The following CD109 variants were observed in gnomAD, a reference collection of about 807,000 sequenced individuals.
The protein encoded by CD109 is CD109 molecule, also known as CD109 antigen.
In CD109, 149 loss-of-function variants were observed where a neutral mutation model predicts 165.8. The observed-to-expected ratio is 0.90, with a 90% CI of 0.79 to 1.03. CD109 has a LOEUF of 1.03. Among genes scored for constraint, CD109 ranks in the 50% least tolerant of loss-of-function variants. The pLI, the probability that CD109 is intolerant of heterozygous loss-of-function variation, is 0.00. For missense variants in CD109, 1,712 were observed against 1,677.8 expected, an observed-to-expected ratio of 1.02 and a Z score of -0.36; for synonymous variants, 585 against 592.1, an observed-to-expected ratio of 0.99 and a Z score of 0.18.
At chr6:73,690,252 T>C in the CD109 span, among the ~76,000 whole-genome samples, 2 of 152,368 alleles carry the variant, frequency 1.3e-5, no homozygotes, top group Middle Eastern at 3.4e-3. Flanking sequence ...ATTTCCCTTT[T>C]TCTTGGCTTA....
At chr6:73,812,823 T>C (rs1305219518) in intron 29 of CD109, among the ~76,000 whole-genome samples, 1 of 152,006 alleles carries the variant, frequency 6.6e-6, no homozygotes, top group Admixed American at 6.6e-5. Flanking sequence ...TCACACTAAA[T>C]AGCACATAAA....
rs1453733797 is a variant in CD109, at chr6:73,696,224, C to T, written c.9C>T (p.Gly3=). Reference sequence around the variant, plus strand: ...AGGCAGACGCCGTCGAGATGCAGGGCCCACCGCTCCTGACCGCCGCCCACC... The same window carrying T: ...AGGCAGACGCCGTCGAGATGCAGGGTCCACCGCTCCTGACCGCCGCCCACC... MQ[G]PPLLTAAHLL... The change falls in exon 1 of 33, where the codon GGC becomes GGT. Residue 3 remains glycine, a synonymous_variant. Transcript: ENST00000287097. 6.5e-7 allele frequency: 1 copy of T among 1,545,304 alleles called. No individual in the cohort carries two copies. Among genetic ancestry groups the T allele is most frequent in the South Asian group, 1.2e-5 (1 of 84,282 alleles).
chr6:73,818,467 A>C lies in CD109; in HGVS notation c.3991A>C (p.Ile1331Leu). 1 of 1,613,722 alleles carries C rather than the reference A, an allele frequency of 6.2e-7. No individual in the cohort carries two copies. The highest frequency in any genetic ancestry group is 1.3e-5 in the African/African-American group (1 of 75,012). The change falls in exon 31 of 33, where the codon ATT becomes CTT. Residue 1331 changes from isoleucine (I) to leucine (L), a missense_variant. By Grantham distance (5) the Ile-to-Leu change is conservative. Transcript: ENST00000287097. ...LSGFMVPSEAISLSETVKKVE... is the reference protein window; with the variant it reads ...LSGFMVPSEALSLSETVKKVE... ...TGGCTTTATGGTGCCTTCAGAAGCAATTTCTCTGAGCGAGACAGTGAAGAA... is the reference window on the plus strand; with the variant it reads ...TGGCTTTATGGTGCCTTCAGAAGCACTTTCTCTGAGCGAGACAGTGAAGAA...
intron 21 of CD109, among the ~76,000 whole-genome samples, chr6:73,787,748 G>A (rs1454935746): frequency 6.6e-6 from 1 of 152,064 alleles, no homozygotes; most frequent in Non-Finnish European, 1.5e-5. Flanking sequence ...CGGCCAAGTC[G>A]ATTTGTAGAT....
rs1775638817 is a variant in CD109, at chr6:73,808,198, C to T, written c.3305C>T (p.Pro1102Leu). The change falls in exon 26 of 33, where the codon CCT becomes CTT. Residue 1102 changes from proline (P) to leucine (L), a missense_variant. Pro to Leu is a moderately conservative substitution (Grantham distance 98). Coordinates refer to ENST00000287097, the MANE Select transcript of CD109 (RefSeq NM_133493.5). ...ITYALSSVGS[P>L]KAKEALNMLT... Reference sequence around the variant, plus strand: ...TATGCATTGTCATCAGTGGGGAGTCCTAAAGCGAAGGAAGCTTTGAATATG... The same window carrying T: ...TATGCATTGTCATCAGTGGGGAGTCTTAAAGCGAAGGAAGCTTTGAATATG... 6.2e-7 allele frequency: 1 copy of T among 1,613,336 alleles called. No homozygotes were observed. Among genetic ancestry groups the T allele is most frequent in the African/African-American group, 1.3e-5 (1 of 74,862 alleles).
chr6:73,684,221 C>CT, the CD109 span, among the ~76,000 whole-genome samples: 3,905 of 136,336 alleles, frequency 0.029, 77 homozygotes, highest in Non-Finnish European at 0.044. Flanking sequence ...GTCGTTCTTT[C>CT]TTTTTTTTTT....
At chr6:73,797,192 A>G (rs183946010) in intron 23 of CD109, among the ~76,000 whole-genome samples, 4,577 of 152,304 alleles carry the variant, frequency 0.03, 236 homozygotes, top group African/African-American at 0.1. Flanking sequence ...TTGTTGGTCG[A>G]AACAACAGCT....
At chr6:73,742,544 T>G (rs1357330408) in intron 5 of CD109, among the ~76,000 whole-genome samples, 2 of 152,260 alleles carry the variant, frequency 1.3e-5, no homozygotes, top group Non-Finnish European at 2.9e-5. Flanking sequence ...CAGTGCAGCC[T>G]GCAGCCCAGA....
intron 5 of CD109, among the ~76,000 whole-genome samples, chr6:73,755,902 AG>A (rs1773371232): frequency 6.6e-6 from 1 of 152,120 alleles, no homozygotes; most frequent in Non-Finnish European, 1.5e-5. Context: ...TTGAGGCTTC[AG>A]TGAGCTGTGT....
chr6:73,781,228 T>C (rs1409075410), intron 16 of CD109, 31 bp from the exon 17 acceptor site: 9 of 1,580,040 alleles, frequency 5.7e-6, no homozygotes, highest in Non-Finnish European at 7.8e-6. Context: ...AAACTTGTGT[T>C]TTAAAAGAAA....
At chr6:73,687,424 C>T in the CD109 span, among the ~76,000 whole-genome samples, 2 of 151,290 alleles carry the variant, frequency 1.3e-5, no homozygotes, top group Admixed American at 6.6e-5. Flanking sequence ...CATGCATGCT[C>T]TCTCTCTTCC....
chr6:73,781,499 A>G (rs977816682), intron 17 of CD109, among the ~76,000 whole-genome samples, 180 bp downstream of exon 17: 6 of 152,114 alleles, frequency 3.9e-5, no homozygotes, highest in African/African-American at 1.4e-4. Flanking sequence ...ATGACATGGA[A>G]CGTTCATCTG....
At chr6:73,753,998 CA>C (rs1377983247) in intron 5 of CD109, among the ~76,000 whole-genome samples, 1 of 152,074 alleles carries the variant, frequency 6.6e-6, no homozygotes, top group African/African-American at 2.4e-5. Flanking sequence ...GAGATGGACA[CA>C]AAGCAAATGA....
At chr6:73,785,534 A>G (rs6453700) in intron 20 of CD109, 57 bp downstream of exon 20, 353,672 of 977,804 alleles carry the variant, frequency 0.36, 65,421 homozygotes, top group African/African-American at 0.47. Flanking sequence ...TCGAGGTAGC[A>G]TGAAGGGATT....
At chr6:73,680,714 C>T in the CD109 span, among the ~76,000 whole-genome samples, 7,639 of 152,222 alleles carry the variant, frequency 0.05, 657 homozygotes, top group African/African-American at 0.17. Context: ...GGGCATTTGG[C>T]CCAGTCCAGG....
rs763481029 is a variant in CD109 at position 73,730,355 on chromosome 6, C to G, written c.288C>G (p.Asn96Lys). The G allele has an allele frequency of 1.7e-5, 27 of 1,609,184 alleles. No homozygotes were observed. The Admixed American group carries it at 2.5e-4, about 15-fold the overall frequency. Reference protein sequence around the residue: ...KTLTLPSLPLNSADEIYELRV... With the variant: ...KTLTLPSLPLKSADEIYELRV... Reference sequence around the variant, plus strand: ...CTTTTTCCCCCCAGCTACCTCTGAACAGTGCAGATGAGATTTATGAGCTAC... The same window carrying G: ...CTTTTTCCCCCCAGCTACCTCTGAAGAGTGCAGATGAGATTTATGAGCTAC... The change falls in exon 4 of 33, where the codon AAC (asparagine) becomes AAG (lysine). Residue 96 changes from asparagine (N) to lysine (K), a missense_variant. By Grantham distance (94) the Asn-to-Lys change is moderately conservative. Transcript: ENST00000287097.
chr6:73,781,577 A>G (rs974627963), intron 17 of CD109, among the ~76,000 whole-genome samples: 1 of 152,262 alleles, frequency 6.6e-6, no homozygotes, highest in Non-Finnish European at 1.5e-5. Context: ...AGGTAGTTAT[A>G]TTTTTGGACA....
At chr6:73,767,080 G>T in intron 13 of CD109, 70 bp downstream of exon 13, 6 of 1,353,864 alleles carry the variant, frequency 4.4e-6, no homozygotes, top group Non-Finnish European at 6.2e-6. Flanking sequence ...TTAAGTTCTG[G>T]GGTACATGTG....
intron 3 of CD109, among the ~76,000 whole-genome samples, chr6:73,727,683 A>G (rs1772192983): frequency 6.6e-6 from 1 of 152,214 alleles, no homozygotes; most frequent in African/African-American, 2.4e-5. Flanking sequence ...ATTTGACATC[A>G]GTCTTCAATC....
Sources: allele counts gnomAD v4.1 joint callset (sites outside exome capture counted in the v4.1 genomes callset), GRCh38; gene constraint gnomAD v4.1.1; transcripts MANE v1.5; gene names NCBI Gene and HGNC (gene_info 2026-07-23, HGNC 2026-07-21).